The following AKAP12 variants were observed in gnomAD, a reference collection of about 807,000 sequenced individuals.
AKAP12 encodes the protein A-kinase anchoring protein 12, also known as A-kinase anchor protein 12.
Under a neutral mutation model 79.9 loss-of-function variants are expected in AKAP12, and 32 were observed. That is an observed-to-expected ratio of 0.40 (90% confidence interval 0.30 to 0.54). The LOEUF is 0.54. Ranked by LOEUF, AKAP12 falls within the 20% of genes least tolerant of loss-of-function variation. The pLI is 0.48. For missense variants in AKAP12, 2,074 were observed against 2,177.0 expected, an observed-to-expected ratio of 0.95 and a Z score of 0.94; for synonymous variants, 808 against 857.0, an observed-to-expected ratio of 0.94 and a Z score of 1.00.
intron 2 of AKAP12, among the ~76,000 whole-genome samples, chr6:151,295,327 T>A (rs1307953618): frequency 6.6e-6 from 1 of 152,224 alleles, no homozygotes; most frequent in African/African-American, 2.4e-5. Context: ...TGGATCTCTC[T>A]TAACAATCAT....
chr6:151,256,343 A>G (rs1797296776), intron 2 of AKAP12, among the ~76,000 whole-genome samples: 1 of 152,178 alleles, frequency 6.6e-6, no homozygotes, highest in Admixed American at 6.5e-5. Context: ...AGGCCAGGCT[A>G]GAGAAGAGAG....
At chr6:151,334,066 T>A (rs1395818758) in intron 3 of AKAP12, among the ~76,000 whole-genome samples, 2 of 151,840 alleles carry the variant, frequency 1.3e-5, no homozygotes, top group African/African-American at 4.8e-5. Flanking sequence ...AGCCAGGAGT[T>A]CAAGACCAGC....
At chr6:151,324,912 C>T (rs1205583685) in intron 3 of AKAP12, 104 of 985,256 alleles carry the variant, frequency 1.1e-4, no homozygotes, top group Non-Finnish European at 1.2e-4. Flanking sequence ...CTTTGATTTC[C>T]GAGTTGTGTG....
intron 2 of AKAP12, among the ~76,000 whole-genome samples, chr6:151,250,892 C>G (rs901121980): frequency 2.0e-5 from 3 of 152,060 alleles, no homozygotes; most frequent in African/African-American, 7.2e-5. Context: ...AGGCGTGAGC[C>G]ACTGCGCCCG....
At position 151,350,740 on chromosome 6, in the gene AKAP12, C is replaced by T. The variant is rs369584070; in HGVS notation, c.2349C>T (p.Ser783=). ...AGCTGGAAGAGAAAAGCGAAGACTC[C>T]ATAGCTGGGTCTGGTGTAGAACATT... is the stretch of plus-strand genomic sequence containing the variant. ...KSKLEEKSED[S]IAGSGVEHST... is the part of the protein sequence containing the mutation. Residue 783 remains serine, a synonymous_variant, in exon 4 of 5, where the codon TCC becomes TCT. Coordinates refer to ENST00000402676, the MANE Select transcript of AKAP12 (RefSeq NM_005100.4). This position sits in a 1 kb window ranked among gnomAD's most constrained non-coding sequence, Gnocchi z 4.8. 4.3e-6 allele frequency: 7 copies of T among 1,613,898 alleles called. No individual in the cohort carries two copies. In the African/African-American group the frequency reaches 8.0e-5, roughly 18 times the overall value.
chr6:151,348,968 C>G lies in AKAP12; in HGVS notation c.577C>G (p.Pro193Ala), dbSNP rs769241653. The G allele has an allele frequency of 3.1e-6, 5 of 1,613,936 alleles. No homozygotes were observed. The highest frequency in any genetic ancestry group is 1.7e-5 in the Admixed American group (1 of 59,960). The stretch of plus-strand genomic sequence containing the variant: ...TGTGAAAAAGGATAAGACAGAGAAG[C>G]CTGACACTGTCCAGCTACTCACTGT... ...FTVKKDKTEK[P>A]DTVQLLTVKK... Residue 193 changes from proline to alanine, a missense_variant, in exon 4 of 5, where the codon CCT (proline) becomes GCT (alanine). By Grantham distance (27) the Pro-to-Ala change is conservative. This residue lies in a region of AKAP12 where 1,428 missense variants were observed against 1,451.0 expected (regional missense o/e 0.98). Coordinates refer to ENST00000402676, the MANE Select transcript of AKAP12 (RefSeq NM_005100.4).
chr6:151,342,385 TGCCAG>T (rs1777975402), intron 3 of AKAP12, among the ~76,000 whole-genome samples: 1 of 152,212 alleles, frequency 6.6e-6, no homozygotes. Flanking sequence ...TATAGGTACC[TGCCAG>T]ACTAGGTAGG....
At chr6:151,244,141 T>C (rs1797026235) in intron 2 of AKAP12, among the ~76,000 whole-genome samples, 1 of 152,196 alleles carries the variant, frequency 6.6e-6, no homozygotes, top group South Asian at 2.1e-4. Context: ...TACAAGAGCC[T>C]TGAATCACCA....
At chr6:151,354,098 T>A (rs116520315) in intron 4 of AKAP12, among the ~76,000 whole-genome samples, 2,238 of 151,290 alleles carry the variant, frequency 0.015, 53 homozygotes, top group African/African-American at 0.051. Flanking sequence ...TGAGTTTTTT[T>A]AAAAATAACT....
chr6:151,279,423 TTG>T (rs1274822740), intron 2 of AKAP12, among the ~76,000 whole-genome samples: 4 of 151,796 alleles, frequency 2.6e-5, no homozygotes, highest in African/African-American at 9.7e-5. Flanking sequence ...TTTTAAATTT[TTG>T]TGTGTGTGTG....
intron 2 of AKAP12, among the ~76,000 whole-genome samples, chr6:151,301,465 A>G (rs766722234): frequency 2.0e-5 from 3 of 152,220 alleles, no homozygotes; most frequent in Non-Finnish European, 4.4e-5. Context: ...ACTTTAACTT[A>G]TTGATAACTC....
Position 151,349,053 on chromosome 6 carries a change from G to T in AKAP12, c.662G>T (p.Gly221Val). 1 of 1,612,608 alleles carries T rather than the reference G, an allele frequency of 6.2e-7. No individual in the cohort carries two copies. Reference sequence around the variant, plus strand: ...GGCGACCACAAGGACCCCAGCCTTGGGGCTGGAGAAGCAGCATCCAAAGAA... The same window carrying T: ...GGCGACCACAAGGACCCCAGCCTTGTGGCTGGAGAAGCAGCATCCAAAGAA... Reference protein sequence around the residue: ...GAGDHKDPSLGAGEAASKESE... With the variant: ...GAGDHKDPSLVAGEAASKESE... The change falls in exon 4 of 5, where the codon GGG becomes GTG. Residue 221 changes from glycine (G) to valine (V), a missense_variant. By Grantham distance (109) the Gly-to-Val change is moderately radical. Around this residue, in one of 3 missense-constraint regions of AKAP12, gnomAD observed 1,428 missense variants for 1,451.0 expected, o/e 0.98. Coordinates refer to ENST00000402676, the MANE Select transcript of AKAP12 (RefSeq NM_005100.4).
intron 2 of AKAP12, among the ~76,000 whole-genome samples, chr6:151,287,448 T>C (rs974965663): frequency 5.3e-5 from 8 of 151,814 alleles, no homozygotes; most frequent in South Asian, 4.2e-4. Context: ...TTTTGTAGAG[T>C]TGGGATTTCA....
intron 2 of AKAP12, among the ~76,000 whole-genome samples, chr6:151,245,569 CGGGA>C (rs1797054889): frequency 7.0e-6 from 1 of 142,584 alleles, no homozygotes; most frequent in Non-Finnish European, 1.5e-5. Context: ...GGCGTGAACC[CGGGA>C]GGTGGAGCTT....
At position 151,352,247 on chromosome 6, in the gene AKAP12, G is replaced by C; in HGVS notation, c.3856G>C (p.Gly1286Arg). 1 of 1,614,158 alleles carries C rather than the reference G, an allele frequency of 6.2e-7. No homozygotes were observed. Among genetic ancestry groups the C allele is most frequent in the Non-Finnish European group, 8.5e-7 (1 of 1,180,032 alleles). ...CGTACCATTTTTCGAAGGACTTGAG[G>C]GGTCTATAGACACAGGCATAACAGT... ...KDVPFFEGLEGSIDTGITVSR... is the reference protein window; with the variant it reads ...KDVPFFEGLERSIDTGITVSR... Residue 1286 changes from glycine to arginine, a missense_variant, in exon 4 of 5, where the codon GGG becomes CGG. Physicochemically the swap from Gly to Arg is moderately radical, Grantham distance 125. This residue lies in a region of AKAP12 where 614 missense variants were observed against 665.6 expected (regional missense o/e 0.92). Transcript: ENST00000402676.
intron 3 of AKAP12, among the ~76,000 whole-genome samples, chr6:151,310,481 C>T (rs982689318): frequency 2.6e-5 from 4 of 152,176 alleles, no homozygotes; most frequent in Non-Finnish European, 4.4e-5. Context: ...CGGTGGCTCA[C>T]GCCTGTAATC....
chr6:151,284,442 A>G (rs1422435786), intron 2 of AKAP12, among the ~76,000 whole-genome samples: 2 of 152,308 alleles, frequency 1.3e-5, no homozygotes, highest in East Asian at 1.9e-4. Flanking sequence ...CCTGGGCAAC[A>G]TGGCGAAACC....
chr6:151,268,959 T>A, intron 2 of AKAP12, among the ~76,000 whole-genome samples: 1 of 125,630 alleles, frequency 8.0e-6, no homozygotes, highest in South Asian at 2.4e-4. Flanking sequence ...TTTTTTTTTT[T>A]TTTTTTTTTT....
At chr6:151,316,177 G>C (rs531086851) in intron 3 of AKAP12, among the ~76,000 whole-genome samples, 1 of 152,262 alleles carries the variant, frequency 6.6e-6, no homozygotes, top group African/African-American at 2.4e-5. Flanking sequence ...ATCATGCTTC[G>C]AATTGTTTTC....
Sources: gnomAD v4.1 joint callset for allele counts (sites outside exome capture counted in the v4.1 genomes callset) on GRCh38, gnomAD v4.1.1 for gene constraint, gnomAD v4.1.1 regional missense constraint, Gnocchi (gnomAD v3.1) non-coding constraint, MANE v1.5 for transcripts, NCBI Gene and HGNC (gene_info 2026-07-23, HGNC 2026-07-21) for gene names.